Variants in UBE3C observed in about 807,000 individuals in gnomAD.
The protein encoded by UBE3C is ubiquitin-protein ligase E3C.
Under a neutral mutation model 129.4 loss-of-function variants are expected in UBE3C, and 42 were observed. The observed-to-expected ratio is 0.32, with a 90% CI of 0.25 to 0.42. The LOEUF is 0.42. Among genes scored for constraint, UBE3C ranks in the 10% least tolerant of loss-of-function variants. The probability of loss-of-function intolerance (pLI) is 1.00; values close to 1 mark genes in which losing one functional copy is unlikely to be tolerated. For missense variants in UBE3C, 1,049 were observed against 1,319.1 expected (o/e 0.80, Z 3.17); for synonymous variants, 510 against 492.4 (o/e 1.04, Z -0.47).
chr7:157,177,947 G>GTT (rs1563042282), intron 5 of UBE3C, among the ~76,000 whole-genome samples: 1 of 145,742 alleles, frequency 6.9e-6, no homozygotes, highest in African/African-American at 2.6e-5. Flanking sequence ...TTTTTTTTAA[G>GTT]AAAAAGGAAA....
chr7:157,267,536 T>C, intron 22 of UBE3C, 49 bp from the exon 23 acceptor site: 1 of 1,603,682 alleles, frequency 6.2e-7, no homozygotes, highest in African/African-American at 1.3e-5. Context: ...AAAACTCATG[T>C]AATGCCATGC....
intron 6 of UBE3C, among the ~76,000 whole-genome samples, chr7:157,180,467 C>A (rs921527536): frequency 6.6e-6 from 1 of 152,170 alleles, no homozygotes; most frequent in Non-Finnish European, 1.5e-5. Context: ...CAAAGTAGGT[C>A]TAATGATAAA....
At chr7:157,161,901 G>A (rs1372533117) in intron 1 of UBE3C, among the ~76,000 whole-genome samples, 3 of 151,928 alleles carry the variant, frequency 2.0e-5, no homozygotes, top group South Asian at 2.1e-4. Flanking sequence ...GCGAAAACCC[G>A]TCTCTACTAA....
At chr7:157,198,269 G>A in intron 10 of UBE3C, 1 of 1,078,218 alleles carries the variant, frequency 9.3e-7, no homozygotes, top group Non-Finnish European at 1.4e-6. Context: ...TTGAGGTGGT[G>A]TCCGTGGGCT....
At chr7:157,226,061 G>T (rs1412790266) in intron 17 of UBE3C, among the ~76,000 whole-genome samples, 2 of 152,008 alleles carry the variant, frequency 1.3e-5, no homozygotes, top group Non-Finnish European at 2.9e-5. Flanking sequence ...TTTTTAAAGG[G>T]CAAGAAAGTA....
At chr7:157,244,558 C>G (rs1279246809) in intron 18 of UBE3C, among the ~76,000 whole-genome samples, 1 of 152,078 alleles carries the variant, frequency 6.6e-6, no homozygotes, top group East Asian at 1.9e-4. Flanking sequence ...TTAGAGCTGC[C>G]TGAAGATTGA....
At position 157,159,010 on chromosome 7, in the gene UBE3C, A is replaced by T. The variant is rs139030369; in HGVS notation, c.67-4800A>T. Among the ~76,000 whole-genome samples the T allele has an allele frequency of 1.4e-4, 21 of 152,364 alleles. No individual in the cohort carries two copies. The East Asian group carries it at 3.9e-3, about 28-fold the overall frequency. ...ATGCGGGGATATTAAGTCCGTTATC[A>T]ATAGAGTGTGAAATAATCACTCCTG... On this transcript the variant is annotated intron_variant, in intron 1 of 22. Transcript: ENST00000348165.
chr7:157,184,112 C>T, intron 9 of UBE3C, 83 bp downstream of exon 9: 1 of 1,548,508 alleles, frequency 6.5e-7, no homozygotes, highest in Non-Finnish European at 8.8e-7. Flanking sequence ...CCCGTAGTTT[C>T]AGTTACACAA....
At chr7:157,141,675 A>G (rs1807455585) in intron 1 of UBE3C, among the ~76,000 whole-genome samples, 1 of 152,210 alleles carries the variant, frequency 6.6e-6, no homozygotes, top group Non-Finnish European at 1.5e-5. Flanking sequence ...TCATTATGCC[A>G]TGTATGTCTG....
At chr7:157,183,730 A>G (rs1326549038) in intron 8 of UBE3C, 148 bp from the exon 9 acceptor site, 2 of 995,256 alleles carry the variant, frequency 2.0e-6, no homozygotes, top group African/African-American at 1.6e-5. Context: ...AAATCTAAAT[A>G]TGTTTCCTAT....
intron 1 of UBE3C, among the ~76,000 whole-genome samples, chr7:157,143,970 A>C (rs1274311465): frequency 6.6e-6 from 1 of 152,004 alleles, no homozygotes; most frequent in Non-Finnish European, 1.5e-5. Context: ...CAGGGAGTGA[A>C]TCTCAGGGAG....
At chr7:157,238,798 A>G (rs73176433) in intron 18 of UBE3C, among the ~76,000 whole-genome samples, 27,659 of 152,118 alleles carry the variant, frequency 0.18, 2,766 homozygotes, top group East Asian at 0.39. Flanking sequence ...TCCAAGGTTT[A>G]GAGTCCAGAG....
chr7:157,233,583 G>A (rs190880750), intron 18 of UBE3C, among the ~76,000 whole-genome samples: 2 of 152,132 alleles, frequency 1.3e-5, no homozygotes, highest in African/African-American at 4.8e-5. Context: ...CCCAGTCACC[G>A]CATTTTGTTT....
intron 1 of UBE3C, among the ~76,000 whole-genome samples, chr7:157,153,224 A>T (rs1052122292): frequency 5.9e-5 from 9 of 152,178 alleles, no homozygotes; most frequent in African/African-American, 1.9e-4. Context: ...AAAATTGTTC[A>T]GTTTTGTACA....
At chr7:157,204,276 C>T (rs1235920338) in intron 11 of UBE3C, among the ~76,000 whole-genome samples, 1 of 151,796 alleles carries the variant, frequency 6.6e-6, no homozygotes, top group African/African-American at 2.4e-5. Flanking sequence ...GCTTGCATTG[C>T]TAGGACTTAC....
intron 10 of UBE3C, among the ~76,000 whole-genome samples, chr7:157,194,778 C>T (rs1332627776): frequency 2.0e-5 from 3 of 152,154 alleles, no homozygotes; most frequent in African/African-American, 7.2e-5. Flanking sequence ...TGGCAAAAAG[C>T]TAAGCTGAAT....
chr7:157,197,681 C>G (rs1481989747), intron 10 of UBE3C: 1 of 1,609,676 alleles, frequency 6.2e-7, no homozygotes, highest in Non-Finnish European at 8.5e-7. Context: ...GCTCTTTATT[C>G]GGAAATGAAG....
At chr7:157,229,867 C>G (rs192072493) in intron 17 of UBE3C, among the ~76,000 whole-genome samples, 248 of 152,250 alleles carry the variant, frequency 1.6e-3, no homozygotes, top group Admixed American at 3.1e-3. Flanking sequence ...TCTGCCTTGG[C>G]TTCCCAAAGT....
intron 18 of UBE3C, 57 bp from the exon 19 acceptor site, chr7:157,248,309 CTT>C: frequency 6.7e-7 from 1 of 1,495,602 alleles, no homozygotes; most frequent in East Asian, 2.3e-5. Context: ...GCATATGGCT[CTT>C]TGTTTGTAGA....
Sources: gnomAD v4.1 joint callset for allele counts (sites outside exome capture counted in the v4.1 genomes callset) on GRCh38, gnomAD v4.1.1 for gene constraint, MANE v1.5 for transcripts, NCBI Gene and HGNC (gene_info 2026-07-23, HGNC 2026-07-21) for gene names.